Variants in UBALD2 observed in about 807,000 individuals in gnomAD.
UBALD2 encodes UBA like domain containing 2, also known as UBA-like domain-containing protein 2.
In UBALD2, 8 loss-of-function variants were observed where a neutral mutation model predicts 15.9. The ratio of observed to expected loss-of-function variants is 0.50; its 90% CI spans 0.29 to 0.91. UBALD2 has a LOEUF of 0.91. UBALD2 is among the 40% of genes least tolerant of loss of function. UBALD2 has a pLI of 0.07. For synonymous variants in UBALD2, 113 were observed against 97.7 expected (o/e 1.16, Z -0.93); for missense variants, 178 against 234.8 (o/e 0.76, Z 1.58).
In UBALD2 at chr17:76,270,598, A is replaced by T; in HGVS notation, c.*93A>T. On this transcript the variant is annotated 3_prime_UTR_variant, in exon 3 of 3. Coordinates refer to ENST00000327490, the MANE Select transcript of UBALD2 (RefSeq NM_182565.4). ...CAGGGAGGGGGGAGCCGGGGAGGGC[A>T]GGGGGTTTCCCGAAGATCGCACTGG... 9.1e-6 allele frequency: 10 copies of T among 1,101,740 alleles called. No individual in the cohort carries two copies. Among genetic ancestry groups the T allele is most frequent in the Non-Finnish European group, 1.2e-5 (10 of 822,480 alleles). 68.2% of individuals were successfully genotyped at this position (1,101,740 alleles called of 1,614,324 possible). A position where few individuals can be genotyped will look rare whatever the true frequency, so the allele number is the denominator to read the frequency against.
Position 76,265,635 on chromosome 17 carries a change from T to C in UBALD2, c.120+10T>C. ...CCACTGGCAGTTCGAGGTGCGAGCCTGGCCGCCGCGGGGCCGGGCCGCGGG... is the reference window on the plus strand; with the variant it reads ...CCACTGGCAGTTCGAGGTGCGAGCCCGGCCGCCGCGGGGCCGGGCCGCGGG... On this transcript the variant is annotated intron_variant, in intron 1 of 2. Coordinates refer to ENST00000327490, the MANE Select transcript of UBALD2 (RefSeq NM_182565.4). 1 of 1,171,312 alleles carries C rather than the reference T, an allele frequency of 8.5e-7. No homozygotes were observed. The highest frequency in any genetic ancestry group is 1.1e-6 in the Non-Finnish European group (1 of 946,350). 72.6% of individuals were successfully genotyped at this position (1,171,312 alleles called of 1,614,324 possible).
intron 2 of UBALD2, among the ~76,000 whole-genome samples, chr17:76,268,738 T>TG (rs2070563864): frequency 6.7e-6 from 1 of 149,682 alleles, no homozygotes; most frequent in African/African-American, 2.5e-5. Flanking sequence ...TCTGTTTTTT[T>TG]TTTTTTTTTT....
At chr17:76,268,488 TG>T (rs34116305) in intron 2 of UBALD2, among the ~76,000 whole-genome samples, 191 of 129,476 alleles carry the variant, frequency 1.5e-3, no homozygotes, top group East Asian at 0.01. Flanking sequence ...CCCCAGAGGG[TG>T]GGGGGGGGGC....
chr17:76,268,170 A>C (rs2070558521), intron 2 of UBALD2, among the ~76,000 whole-genome samples: 1 of 152,206 alleles, frequency 6.6e-6, no homozygotes, highest in Admixed American at 6.5e-5. Context: ...ACAGACTTGA[A>C]GTGGGAGGAC....
chr17:76,266,506 C>A (rs2070547016), intron 2 of UBALD2, among the ~76,000 whole-genome samples: 1 of 152,152 alleles, frequency 6.6e-6, no homozygotes, highest in African/African-American at 2.4e-5. Flanking sequence ...AAGATCTGTT[C>A]AACCTTCCGA....
chr17:76,271,212 C>G lies in UBALD2; in HGVS notation c.*707C>G, dbSNP rs1275338134. Reference sequence around the variant, plus strand: ...GTCCAGGTCCAAAGTGGAGAGCCTGCCTTTGGGTTTAGTTCCCGAATCAGA... The same window carrying G: ...GTCCAGGTCCAAAGTGGAGAGCCTGGCTTTGGGTTTAGTTCCCGAATCAGA... On this transcript the variant is annotated 3_prime_UTR_variant, in exon 3 of 3. Transcript: ENST00000327490. 6.6e-6 allele frequency: 1 copy of G among 152,228 alleles called. No homozygotes were observed. The highest frequency in any genetic ancestry group is 6.5e-5 in the Admixed American group (1 of 15,284). The allele number at this position is 152,228 out of a possible 1,614,324, so 9.4% of individuals were successfully genotyped here.
At chr17:76,268,354 C>A (rs1055557812) in intron 2 of UBALD2, among the ~76,000 whole-genome samples, 31 of 152,318 alleles carry the variant, frequency 2.0e-4, no homozygotes, top group African/African-American at 7.0e-4. Context: ...TGTTCTCTGG[C>A]GGCTGTTTGA....
At chr17:76,265,709 G>T in intron 1 of UBALD2, 84 bp downstream of exon 1, 1 of 1,250,284 alleles carries the variant, frequency 8.0e-7, no homozygotes, top group Non-Finnish European at 1.0e-6. Flanking sequence ...TCCTGTTGTC[G>T]GCCCGGAAGG....
chr17:76,268,218 C>A (rs911853426), intron 2 of UBALD2, among the ~76,000 whole-genome samples: 1 of 152,160 alleles, frequency 6.6e-6, no homozygotes, highest in African/African-American at 2.4e-5. Flanking sequence ...TGAGAACTGG[C>A]CGAGAGGGCA....
rs138458405 is a variant in UBALD2, at chr17:76,270,779, T to C, written c.*274T>C. 354 of 262,318 alleles carry C rather than the reference T, an allele frequency of 1.3e-3. 4 individuals carry two copies. Among genetic ancestry groups the C allele is most frequent in the African/African-American group, 7.5e-3 (339 of 45,274 alleles). The allele number at this position is 262,318 out of a possible 1,614,324, so 16.2% of individuals were successfully genotyped here. On this transcript the variant is annotated 3_prime_UTR_variant, in exon 3 of 3. Transcript: ENST00000327490. ...TAAATATAACTAATGTGCGTGAGAA[T>C]GGGCCTGGCACACCTGGGGTGCTCG...
chr17:76,265,577 G>A lies in UBALD2; in HGVS notation c.72G>A (p.Ala24=), dbSNP rs1399437257. 3 of 1,338,474 alleles carry A rather than the reference G, an allele frequency of 2.2e-6. No homozygotes were observed. The highest frequency in any genetic ancestry group is 2.0e-6 in the Non-Finnish European group (2 of 1,021,186). 82.9% of individuals were successfully genotyped at this position (1,338,474 alleles called of 1,614,324 possible). Residue 24 remains alanine, a synonymous_variant, in exon 1 of 3, where the codon GCG becomes GCA. Transcript: ENST00000327490. The stretch of plus-strand genomic sequence containing the variant: ...AGTTCGTGCTGGCCGCGGGCTGCGC[G>A]GCCGACCAGGCGAAGCAGTTGCTGC... ...INQFVLAAGC[A]ADQAKQLLQA... is the part of the protein sequence containing the mutation.
chr17:76,266,644 A>G (rs1209241625), intron 2 of UBALD2, among the ~76,000 whole-genome samples: 2 of 152,160 alleles, frequency 1.3e-5, no homozygotes, highest in Non-Finnish European at 2.9e-5. Flanking sequence ...AGCCCAGCAC[A>G]CAGAGAAGTG....
rs1202883956 is a variant in UBALD2 at position 76,268,489 on chromosome 17, G to C, written c.184-1705G>C. Among the ~76,000 whole-genome samples the C allele has an allele frequency of 3.4e-5, 3 of 88,122 alleles. No homozygotes were observed. The East Asian group carries it at 7.9e-4, about 23-fold the overall frequency. The allele number at this position is 88,122 out of a possible 152,430, so 57.8% of individuals were successfully genotyped here. A position where few individuals can be genotyped will look rare whatever the true frequency, so the allele number is the denominator to read the frequency against. On this transcript the variant is annotated intron_variant, in intron 2 of 2. Coordinates refer to ENST00000327490, the MANE Select transcript of UBALD2 (RefSeq NM_182565.4). ...TGCCGAGAAGTCATCCCCAGAGGGTGGGGGGGGGGCAGGGAGTAGTGGAGG... is the reference window on the plus strand; with the variant it reads ...TGCCGAGAAGTCATCCCCAGAGGGTCGGGGGGGGGCAGGGAGTAGTGGAGG...
At chr17:76,265,825 C>G in intron 1 of UBALD2, 82 bp from the exon 2 acceptor site, 1 of 1,509,622 alleles carries the variant, frequency 6.6e-7, no homozygotes, top group Non-Finnish European at 8.9e-7. Flanking sequence ...GGCGCGGAGG[C>G]GGGGAGAGCC....
At chr17:76,267,697 C>T (rs1247035093) in intron 2 of UBALD2, among the ~76,000 whole-genome samples, 2 of 145,510 alleles carry the variant, frequency 1.4e-5, no homozygotes, top group Non-Finnish European at 3.0e-5. Context: ...CAGAGTTTCA[C>T]TCTTATTGCC....
At position 76,270,570 on chromosome 17, in the gene UBALD2, GGCCAGGGAGGGGGGA is replaced by G. The variant is rs1568097458; in HGVS notation, c.*69_*83del. On this transcript the variant is annotated 3_prime_UTR_variant, in exon 3 of 3. Coordinates refer to ENST00000327490, the MANE Select transcript of UBALD2 (RefSeq NM_182565.4). ...GCCCAGGGTTGTGGGGACACAGGAG[GGCCAGGGAGGGGGGA>G]GCCGGGGAGGGCAGGGGGTTTCCCG... The G allele has an allele frequency of 1.5e-6, 2 of 1,334,772 alleles. No individual in the cohort carries two copies. The highest frequency in any genetic ancestry group is 1.9e-6 in the Non-Finnish European group (2 of 1,032,366). 82.7% of individuals were successfully genotyped at this position (1,334,772 alleles called of 1,614,324 possible). A position where few individuals can be genotyped will look rare whatever the true frequency, so the allele number is the denominator to read the frequency against.
Position 76,268,054 on chromosome 17 carries a change from T to A in UBALD2, c.183+2085T>A, listed in dbSNP as rs368725296. ...AGCAAAATGGCAAAACCAGAAGTCA[T>A]GAGTAACTGATAAATGGTTGTCCCG... is the stretch of plus-strand genomic sequence containing the variant. On this transcript the variant is annotated intron_variant, in intron 2 of 2. Coordinates refer to ENST00000327490, the MANE Select transcript of UBALD2 (RefSeq NM_182565.4). Among the ~76,000 whole-genome samples, 25 of 152,292 alleles carry A rather than the reference T, an allele frequency of 1.6e-4. No individual in the cohort carries two copies. In the East Asian group the frequency reaches 4.0e-3, roughly 25 times the overall value.
At chr17:76,266,387 C>G (rs1375136964) in intron 2 of UBALD2, among the ~76,000 whole-genome samples, 1 of 150,966 alleles carries the variant, frequency 6.6e-6, no homozygotes, top group Non-Finnish European at 1.5e-5. Context: ...CCCCCTCGTG[C>G]TGTTGAGTGG....
intron 1 of UBALD2, 97 bp from the exon 2 acceptor site, chr17:76,265,810 G>A (rs1190662930): frequency 2.0e-6 from 3 of 1,484,780 alleles, no homozygotes; most frequent in Non-Finnish European, 1.8e-6. Flanking sequence ...GGGGGCCGCG[G>A]GCCGGGCGCG....
Sources: gnomAD v4.1 joint callset for allele counts (sites outside exome capture counted in the v4.1 genomes callset) on GRCh38, gnomAD v4.1.1 for gene constraint, MANE v1.5 for transcripts, NCBI Gene and HGNC (gene_info 2026-07-23, HGNC 2026-07-21) for gene names.